The following PYGO1 variants were observed in gnomAD, a reference collection of about 807,000 sequenced individuals.
The protein encoded by PYGO1 is pygopus homolog 1.
In PYGO1, 6 loss-of-function variants were observed where a neutral mutation model predicts 29.5. The ratio of observed to expected loss-of-function variants is 0.20; its 90% CI spans 0.11 to 0.40. The LOEUF (loss-of-function observed/expected upper bound fraction) is 0.40. Among genes scored for constraint, PYGO1 ranks in the 10% least tolerant of loss-of-function variants. The pLI, the probability that PYGO1 is intolerant of heterozygous loss-of-function variation, is 1.00. For missense variants in PYGO1, 515 were observed against 514.9 expected, an observed-to-expected ratio of 1.00 and a Z score of 0.00; for synonymous variants, 186 against 180.5, an observed-to-expected ratio of 1.03 and a Z score of -0.24.
chr15:55,587,377 G>A (rs1432565355), intron 1 of PYGO1, among the ~76,000 whole-genome samples: 1 of 151,570 alleles, frequency 6.6e-6, no homozygotes, highest in Non-Finnish European at 1.5e-5. Context: ...TGCCGGGGTG[G>A]GGGGGCGAGA....
intron 1 of PYGO1, among the ~76,000 whole-genome samples, chr15:55,568,669 A>G (rs2058967506): frequency 6.6e-6 from 1 of 152,104 alleles, no homozygotes; most frequent in African/African-American, 2.4e-5. Flanking sequence ...GTCTTGTTCC[A>G]GTTCTCAGGG....
intron 1 of PYGO1, among the ~76,000 whole-genome samples, chr15:55,556,954 T>G (rs1177761032): frequency 6.6e-6 from 1 of 151,128 alleles, no homozygotes; most frequent in Non-Finnish European, 1.5e-5. Flanking sequence ...AGGAAGAAAC[T>G]GAATTAAAGA....
chr15:55,558,101 A>G (rs1305020576), intron 1 of PYGO1, among the ~76,000 whole-genome samples: 1 of 152,242 alleles, frequency 6.6e-6, no homozygotes, highest in African/African-American at 2.4e-5. Flanking sequence ...AGAACACCCC[A>G]TTAGCCTCAG....
At chr15:55,574,989 T>A (rs2058995391) in intron 1 of PYGO1, among the ~76,000 whole-genome samples, 1 of 152,238 alleles carries the variant, frequency 6.6e-6, no homozygotes, top group South Asian at 2.1e-4. Context: ...CTGTGTCAGA[T>A]ACTGGGATAA....
intron 2 of PYGO1, among the ~76,000 whole-genome samples, chr15:55,547,437 A>C (rs561748146): frequency 1.3e-4 from 20 of 152,324 alleles, no homozygotes; most frequent in Non-Finnish European, 2.4e-4. Context: ...CTTTCAAAAG[A>C]AGCTTCATTA....
In PYGO1 at chr15:55,544,995, T is replaced by C. The variant is rs1270319203; in HGVS notation, c.*1028A>G. Reference sequence around the variant, plus strand: ...TTGTTGTTTGCAAGTTAGATTTCACTTTGGCTCTTAATTGATCTTTGTTTA... The same window carrying C: ...TTGTTGTTTGCAAGTTAGATTTCACCTTGGCTCTTAATTGATCTTTGTTTA... On this transcript the variant is annotated 3_prime_UTR_variant, in exon 3 of 3. Coordinates refer to ENST00000563719, the MANE Select transcript of PYGO1 (RefSeq NM_001367806.1). 6.6e-6 allele frequency: 1 copy of C among 152,192 alleles called. No homozygotes were observed. Among genetic ancestry groups the C allele is most frequent in the Admixed American group, 6.5e-5 (1 of 15,274 alleles). The allele number at this position is 152,192 out of a possible 1,614,324, so 9.4% of individuals were successfully genotyped here.
chr15:55,557,170 G>A (rs2414422), intron 1 of PYGO1, among the ~76,000 whole-genome samples: 128,254 of 152,060 alleles, frequency 0.84, 54,640 homozygotes, highest in Admixed American at 0.9. Flanking sequence ...TATCACCACC[G>A]ATCCCACAGA....
chr15:55,581,374 T>C (rs1277264746), intron 1 of PYGO1, among the ~76,000 whole-genome samples: 4 of 152,092 alleles, frequency 2.6e-5, no homozygotes, highest in Non-Finnish European at 4.4e-5. Context: ...AAGCACTTCA[T>C]GGAGTGTGAA....
At chr15:55,555,114 G>C (rs919703423) in intron 1 of PYGO1, among the ~76,000 whole-genome samples, 4 of 152,002 alleles carry the variant, frequency 2.6e-5, no homozygotes, top group Admixed American at 2.6e-4. Flanking sequence ...CAGAGAGAAA[G>C]GCCAGGTCGC....
At chr15:55,579,293 T>C (rs926143319) in intron 1 of PYGO1, among the ~76,000 whole-genome samples, 1 of 152,142 alleles carries the variant, frequency 6.6e-6, no homozygotes, top group African/African-American at 2.4e-5. Context: ...ATGAGTCTGA[T>C]ATGGAAAAAG....
At chr15:55,584,337 C>A (rs1053397109) in intron 1 of PYGO1, among the ~76,000 whole-genome samples, 1 of 152,020 alleles carries the variant, frequency 6.6e-6, no homozygotes, top group African/African-American at 2.4e-5. Context: ...TCTTAAACTC[C>A]TGGAGTCAAG....
chr15:55,588,886 G>C, upstream of PYGO1: 2 of 1,609,386 alleles, frequency 1.2e-6, no homozygotes, highest in Non-Finnish European at 1.7e-6. Context: ...CCGTGTCCGC[G>C]TGGCCGTGGT....
At chr15:55,573,918 T>C (rs141199070) in intron 1 of PYGO1, among the ~76,000 whole-genome samples, 1 of 152,348 alleles carries the variant, frequency 6.6e-6, no homozygotes, top group African/African-American at 2.4e-5. Flanking sequence ...TTTATCATAC[T>C]ATATGTTTTC....
Position 55,587,693 on chromosome 15 carries a change from C to A in PYGO1, c.49+142G>T, listed in dbSNP as rs982837361. 8.5e-6 allele frequency: 10 copies of A among 1,170,416 alleles called. No homozygotes were observed. The African/African-American group carries it at 1.6e-4, about 19-fold the overall frequency. 72.5% of individuals were successfully genotyped at this position (1,170,416 alleles called of 1,614,324 possible). On this transcript the variant is annotated intron_variant, in intron 1 of 2. Coordinates refer to ENST00000563719, the MANE Select transcript of PYGO1 (RefSeq NM_001367806.1). Reference sequence around the variant, plus strand: ...CCCGGGCCGCGCGCTCGGATCGCAGCCTCGGCCCCGGGGTGCCGGCGGGAC... The same window carrying A: ...CCCGGGCCGCGCGCTCGGATCGCAGACTCGGCCCCGGGGTGCCGGCGGGAC...
At chr15:55,575,353 T>A (rs2058996968) in intron 1 of PYGO1, among the ~76,000 whole-genome samples, 1 of 152,210 alleles carries the variant, frequency 6.6e-6, no homozygotes, top group Non-Finnish European at 1.5e-5. Flanking sequence ...AGTAGCAATG[T>A]ACAATTCTCT....
At chr15:55,552,361 CAAAAAA>C (rs56789656) in intron 1 of PYGO1, among the ~76,000 whole-genome samples, 1 of 53,016 alleles carries the variant, frequency 1.9e-5, no homozygotes, top group South Asian at 6.1e-4. Flanking sequence ...ACTCTGTCTC[CAAAAAA>C]AAAAAAAAAA....
chr15:55,583,093 C>T (rs1300599531), intron 1 of PYGO1, among the ~76,000 whole-genome samples: 1 of 152,120 alleles, frequency 6.6e-6, no homozygotes, highest in Non-Finnish European at 1.5e-5. Flanking sequence ...TTCTTTCTTT[C>T]TCCATTCTCT....
At chr15:55,553,526 G>T (rs1423981070) in intron 1 of PYGO1, among the ~76,000 whole-genome samples, 1 of 152,030 alleles carries the variant, frequency 6.6e-6, no homozygotes, top group African/African-American at 2.4e-5. Flanking sequence ...CTCTTGATTG[G>T]CTGGAATTAC....
chr15:55,549,009 A>G lies in PYGO1; in HGVS notation c.50-14T>C. The G allele has an allele frequency of 6.3e-7, 1 of 1,579,344 alleles. No homozygotes were observed. Among genetic ancestry groups the G allele is most frequent in the Non-Finnish European group, 8.6e-7 (1 of 1,159,990 alleles). Reference sequence around the variant, plus strand: ...CACTATCACCACCTAAAAAAAAAAAAATTCAGGTAATATTTCCCACTTGTA... The same window carrying G: ...CACTATCACCACCTAAAAAAAAAAAGATTCAGGTAATATTTCCCACTTGTA... On this transcript the variant is annotated splice_polypyrimidine_tract_variant and intron_variant, in intron 1 of 2. Transcript: ENST00000563719.
Sources: gnomAD v4.1 joint callset for allele counts (sites outside exome capture counted in the v4.1 genomes callset) on GRCh38, gnomAD v4.1.1 for gene constraint, MANE v1.5 for transcripts, NCBI Gene and HGNC (gene_info 2026-07-23, HGNC 2026-07-21) for gene names.